The following NSG2 variants were observed in gnomAD, a reference collection of about 807,000 sequenced individuals.
NSG2 encodes the protein neuronal vesicle trafficking-associated protein 2.
A neutral mutation model predicts 16.9 loss-of-function variants in NSG2; 4 were observed. That is an observed-to-expected ratio of 0.24 (90% confidence interval 0.12 to 0.54). The LOEUF (loss-of-function observed/expected upper bound fraction) is 0.54. NSG2 is among the 20% of genes least tolerant of loss of function. The pLI is 0.95. For synonymous variants in NSG2, 98 were observed against 88.7 expected (o/e 1.11, Z -0.59); for missense variants, 179 against 221.1 (o/e 0.81, Z 1.21).
chr5:174,102,708 G>A (rs1021042361), intron 3 of NSG2, among the ~76,000 whole-genome samples: 4 of 151,954 alleles, frequency 2.6e-5, no homozygotes, highest in African/African-American at 7.2e-5. Flanking sequence ...ATTTAAGCTG[G>A]AGACCACTGC....
chr5:174,100,820 A>G (rs1240921976), intron 3 of NSG2, among the ~76,000 whole-genome samples: 1 of 152,244 alleles, frequency 6.6e-6, no homozygotes, highest in Non-Finnish European at 1.5e-5. Context: ...ACCAGCTCCT[A>G]GTGCCCCTTT....
At chr5:174,071,257 G>C (rs1273966521) in intron 3 of NSG2, among the ~76,000 whole-genome samples, 1 of 152,208 alleles carries the variant, frequency 6.6e-6, no homozygotes, top group Non-Finnish European at 1.5e-5. Flanking sequence ...GGGAAGCCAA[G>C]GTGGGTGGAT....
At chr5:174,070,708 C>T (rs887901243) in intron 3 of NSG2, among the ~76,000 whole-genome samples, 1 of 152,204 alleles carries the variant, frequency 6.6e-6, no homozygotes, top group Non-Finnish European at 1.5e-5. Context: ...CTCTGGGACC[C>T]CTTCCTGATC....
intron 3 of NSG2, among the ~76,000 whole-genome samples, chr5:174,102,832 G>T (rs1245884852): frequency 6.6e-6 from 1 of 151,164 alleles, no homozygotes; most frequent in East Asian, 1.9e-4. Flanking sequence ...AGCCTGGAGT[G>T]CTGTGGCACA....
At chr5:174,099,711 T>A (rs7715876) in intron 3 of NSG2, among the ~76,000 whole-genome samples, 51,629 of 152,078 alleles carry the variant, frequency 0.34, 12,071 homozygotes, top group African/African-American at 0.67. Context: ...TCCACGTTCT[T>A]TCCAGGGCTG....
At chr5:174,098,811 C>T (rs1229485263) in intron 3 of NSG2, among the ~76,000 whole-genome samples, 13 of 152,150 alleles carry the variant, frequency 8.5e-5, no homozygotes, top group African/African-American at 2.9e-4. Context: ...TGAGGGGAGA[C>T]GGGTGCAGAG....
chr5:174,046,772 G>A lies in NSG2; in HGVS notation c.17G>A (p.Ser6Asn), dbSNP rs771090430. Residue 6 changes from serine (S) to asparagine (N), a missense_variant, in exon 2 of 5, where the codon AGT (serine) becomes AAT (asparagine). Coordinates refer to ENST00000303177, the MANE Select transcript of NSG2 (RefSeq NM_015980.5). ...GGCGTAAGGATGGTGAAGCTGAACA[G>A]TAACCCCAGCGAGAAGGGAACCAAG... MVKLN[S>N]NPSEKGTKPP... 1 of 1,614,034 alleles carries A rather than the reference G, an allele frequency of 6.2e-7. No homozygotes were observed.
At chr5:174,080,752 G>A (rs1760446295) in intron 3 of NSG2, among the ~76,000 whole-genome samples, 1 of 151,970 alleles carries the variant, frequency 6.6e-6, no homozygotes, top group Non-Finnish European at 1.5e-5. Flanking sequence ...TAGTAAAGAT[G>A]GGGTTTTACC....
intron 2 of NSG2, among the ~76,000 whole-genome samples, chr5:174,051,844 C>A (rs1759894261): frequency 6.6e-6 from 1 of 152,204 alleles, no homozygotes; most frequent in Non-Finnish European, 1.5e-5. Context: ...ATTATAATGA[C>A]AAGGTGGTCA....
At chr5:174,052,088 G>T (rs192514548) in intron 2 of NSG2, among the ~76,000 whole-genome samples, 1 of 152,194 alleles carries the variant, frequency 6.6e-6, no homozygotes, top group Non-Finnish European at 1.5e-5. Flanking sequence ...CAAGGGACAG[G>T]TTCAGTCTCA....
At chr5:174,071,401 T>C (rs1760238928) in intron 3 of NSG2, among the ~76,000 whole-genome samples, 1 of 152,098 alleles carries the variant, frequency 6.6e-6, no homozygotes, top group Admixed American at 6.5e-5. Context: ...GCAGGGGAAT[T>C]GCTTGAACCC....
intron 3 of NSG2, among the ~76,000 whole-genome samples, chr5:174,089,681 A>G (rs59402400): frequency 0.13 from 19,570 of 152,166 alleles, 1,658 homozygotes; most frequent in African/African-American, 0.23. Context: ...GCTGGGGTGC[A>G]CGACTCACTG....
In NSG2 at chr5:174,067,983, G is replaced by A. The variant is rs188229094; in HGVS notation, c.213+3668G>A. Among the ~76,000 whole-genome samples, 744 of 152,222 alleles carry A rather than the reference G, an allele frequency of 4.9e-3. 2 individuals are homozygous for A. The highest frequency in any genetic ancestry group is 6.3e-3 in the Admixed American group (96 of 15,290). The stretch of plus-strand genomic sequence containing the variant: ...AAGACAGGTGGTCTGGCCACCCTTG[G>A]AACTAATAGGTTTGGAGCTCAGGAT... On this transcript the variant is annotated intron_variant, in intron 3 of 4. Transcript: ENST00000303177.
At chr5:174,058,068 T>C (rs1394192574) in intron 2 of NSG2, among the ~76,000 whole-genome samples, 3 of 152,186 alleles carry the variant, frequency 2.0e-5, no homozygotes, top group Admixed American at 6.5e-5. Flanking sequence ...GGAGGAATCA[T>C]GAGAGATTCT....
At chr5:174,064,363 C>T (rs758561482) in intron 3 of NSG2, 48 bp downstream of exon 3, 12 of 1,362,808 alleles carry the variant, frequency 8.8e-6, no homozygotes, top group Non-Finnish European at 5.2e-6. Flanking sequence ...GAGGCTGGCT[C>T]CAGCCAGCTC....
At position 174,109,071 on chromosome 5, in the gene NSG2, A is replaced by G. The variant is rs1197718800; in HGVS notation, c.*1566A>G. The G allele has an allele frequency of 6.5e-6, 1 of 152,792 alleles. No homozygotes were observed. The highest frequency in any genetic ancestry group is 2.4e-5 in the African/African-American group (1 of 41,456). 9.5% of individuals were successfully genotyped at this position (152,792 alleles called of 1,614,324 possible). On this transcript the variant is annotated 3_prime_UTR_variant, in exon 5 of 5. Coordinates refer to ENST00000303177, the MANE Select transcript of NSG2 (RefSeq NM_015980.5). ...CCCTAGCAAAACCGCTGAGCGCTTT[A>G]TAATTTTGTGGTGTATTTTTGTCAG...
Position 174,101,125 on chromosome 5 carries a change from T to G in NSG2, c.214-3103T>G, listed in dbSNP as rs375819658. ...GGATGAGCCTGCGACTATAGGCAAC[T>G]CTCTTGGCTGGGCCCAGGTGTGTTC... On this transcript the variant is annotated intron_variant, in intron 3 of 4. Coordinates refer to ENST00000303177, the MANE Select transcript of NSG2 (RefSeq NM_015980.5). 3.9e-4 allele frequency among the ~76,000 whole-genome samples: 60 copies of G among 152,266 alleles called. 1 individual carries two copies. The highest frequency in any genetic ancestry group is 9.1e-4 in the African/African-American group (38 of 41,558).
chr5:174,079,647 C>G (rs1760414348), intron 3 of NSG2, among the ~76,000 whole-genome samples: 1 of 152,180 alleles, frequency 6.6e-6, no homozygotes, highest in African/African-American at 2.4e-5. Flanking sequence ...AAATTCTTAT[C>G]TGGCTGGACC....
chr5:174,100,053 C>G (rs748601078), intron 3 of NSG2, among the ~76,000 whole-genome samples: 2 of 152,224 alleles, frequency 1.3e-5, no homozygotes, highest in Non-Finnish European at 2.9e-5. Context: ...AAATTCAGGA[C>G]AGGGAGGCAA....
Sources: gnomAD v4.1 joint callset for allele counts (sites outside exome capture counted in the v4.1 genomes callset) on GRCh38, gnomAD v4.1.1 for gene constraint, MANE v1.5 for transcripts, NCBI Gene and HGNC (gene_info 2026-07-23, HGNC 2026-07-21) for gene names.